The following CACNA1A variants were observed in gnomAD, a reference collection of about 807,000 sequenced individuals.
CACNA1A encodes calcium voltage-gated channel subunit alpha1 A, also known as voltage-dependent P/Q-type calcium channel subunit alpha-1A.
In CACNA1A, 57 loss-of-function variants were observed where a neutral mutation model predicts 262.4. The observed-to-expected ratio is 0.22, with a 90% CI of 0.18 to 0.27. CACNA1A has a LOEUF of 0.27. Among genes scored for constraint, CACNA1A ranks in the 10% least tolerant of loss-of-function variants. The probability of loss-of-function intolerance (pLI) is 1.00; values close to 1 mark genes in which losing one functional copy is unlikely to be tolerated. For missense variants in CACNA1A, 2,526 were observed against 3,562.8 expected, an observed-to-expected ratio of 0.71 and a Z score of 7.41; for synonymous variants, 1,431 against 1,419.3, an observed-to-expected ratio of 1.01 and a Z score of -0.18.
At chr19:13,372,822 C>T (rs947143074) in intron 3 of CACNA1A, among the ~76,000 whole-genome samples, 2 of 152,170 alleles carry the variant, frequency 1.3e-5, no homozygotes, top group Admixed American at 6.5e-5. Flanking sequence ...CAGCTACAGA[C>T]CCCAAGCCTC....
intron 3 of CACNA1A, among the ~76,000 whole-genome samples, chr19:13,385,557 G>C (rs7259299): frequency 0.52 from 79,594 of 151,840 alleles, 21,062 homozygotes; most frequent in Middle Eastern, 0.63. Context: ...CAGAGTCCTA[G>C]TATGCTGCCC....
intron 22 of CACNA1A, among the ~76,000 whole-genome samples, chr19:13,281,953 G>A (rs75059291): frequency 6.6e-6 from 1 of 152,196 alleles, no homozygotes. Flanking sequence ...CGAAGGCAAC[G>A]CCTTCTTCAG....
intron 15 of CACNA1A, among the ~76,000 whole-genome samples, chr19:13,305,931 G>A (rs2057893072): frequency 6.6e-6 from 1 of 152,008 alleles, no homozygotes; most frequent in African/African-American, 2.4e-5. Flanking sequence ...ATGGTAGTAT[G>A]CACCTGTAGT....
At chr19:13,498,273 A>C (rs1981924368) in intron 1 of CACNA1A, among the ~76,000 whole-genome samples, 1 of 152,158 alleles carries the variant, frequency 6.6e-6, no homozygotes, top group South Asian at 2.1e-4. Flanking sequence ...CCACTTTTAC[A>C]AAAAGGTAAC....
chr19:13,454,293 C>T (rs894651513), intron 2 of CACNA1A, among the ~76,000 whole-genome samples: 13 of 151,652 alleles, frequency 8.6e-5, no homozygotes, highest in African/African-American at 3.1e-4. Context: ...CTAGAAGCTG[C>T]CAGCCACACC....
chr19:13,306,022 C>G (rs529994458), intron 15 of CACNA1A, among the ~76,000 whole-genome samples: 5 of 150,520 alleles, frequency 3.3e-5, no homozygotes. Context: ...AACGTGCCGT[C>G]GCACTCCAGC....
At chr19:13,357,168 C>A (rs1370172761) in intron 6 of CACNA1A, among the ~76,000 whole-genome samples, 1 of 152,156 alleles carries the variant, frequency 6.6e-6, no homozygotes, top group African/African-American at 2.4e-5. Context: ...TGCAAATCTC[C>A]CTCCACCCAC....
intron 24 of CACNA1A, among the ~76,000 whole-genome samples, chr19:13,268,024 G>C (rs1022164132): frequency 2.6e-5 from 4 of 151,944 alleles, no homozygotes; most frequent in Non-Finnish European, 5.9e-5. Flanking sequence ...AGGCCTCCCA[G>C]AGCGCTGGGA....
At chr19:13,314,156 G>A (rs543229182) in intron 11 of CACNA1A, among the ~76,000 whole-genome samples, 2 of 152,224 alleles carry the variant, frequency 1.3e-5, no homozygotes, top group Admixed American at 1.3e-4. Flanking sequence ...GTAGGAAGAT[G>A]AGGAGTTAGG....
intron 17 of CACNA1A, among the ~76,000 whole-genome samples, 170 bp downstream of exon 17, chr19:13,303,376 C>T (rs1218200523): frequency 2.0e-5 from 3 of 152,084 alleles, no homozygotes; most frequent in Admixed American, 1.3e-4. Context: ...CAGTCTGTTT[C>T]TGGGAGTGGG....
intron 6 of CACNA1A, 124 bp downstream of exon 6, chr19:13,359,482 T>C: frequency 1.4e-6 from 1 of 712,890 alleles, no homozygotes; most frequent in South Asian, 1.8e-5. Context: ...TGGGGCTGTG[T>C]TGTCCTTGGG....
At chr19:13,243,197 G>T (rs543074867) in intron 31 of CACNA1A, among the ~76,000 whole-genome samples, 2 of 152,236 alleles carry the variant, frequency 1.3e-5, no homozygotes, top group East Asian at 3.8e-4. Flanking sequence ...ATGACCAGGT[G>T]GGGGCACCCC....
intron 6 of CACNA1A, among the ~76,000 whole-genome samples, chr19:13,351,799 C>T (rs2058914925): frequency 6.6e-6 from 1 of 152,000 alleles, no homozygotes; most frequent in Admixed American, 6.6e-5. Flanking sequence ...TGAGCCACCG[C>T]ATCTGGCTAA....
At chr19:13,309,971 C>G (rs773186095) in intron 12 of CACNA1A, among the ~76,000 whole-genome samples, 49 of 152,164 alleles carry the variant, frequency 3.2e-4, no homozygotes, top group Non-Finnish European at 1.0e-4. Flanking sequence ...TGAGCAGTTA[C>G]TCCCCACTCT....
rs866121352 is a variant in CACNA1A, at chr19:13,393,711, C to T, written c.540-21932G>A. Among the ~76,000 whole-genome samples the T allele has an allele frequency of 5.3e-5, 6 of 113,222 alleles. No individual in the cohort carries two copies. The East Asian group carries it at 1.1e-3, about 21-fold the overall frequency. 74.3% of individuals were successfully genotyped at this position (113,222 alleles called of 152,430 possible). On this transcript the variant is annotated intron_variant, in intron 3 of 46. Coordinates refer to ENST00000360228, the MANE Select transcript of CACNA1A (RefSeq NM_001127222.2). ...CTTTTCTTTCTTTACCTTTCTCTCTCTCTTTCTGTCTTCCTCTTTTCTTTC... is the reference window on the plus strand; with the variant it reads ...CTTTTCTTTCTTTACCTTTCTCTCTTTCTTTCTGTCTTCCTCTTTTCTTTC...
intron 3 of CACNA1A, among the ~76,000 whole-genome samples, chr19:13,442,743 C>T (rs940896400): frequency 2.0e-5 from 3 of 152,190 alleles, no homozygotes; most frequent in Admixed American, 2.0e-4. Context: ...TTAACCATGG[C>T]GCTAGGCCAA....
intron 30 of CACNA1A, among the ~76,000 whole-genome samples, chr19:13,250,482 C>T (rs964637462): frequency 2.0e-5 from 3 of 152,050 alleles, no homozygotes; most frequent in Admixed American, 6.6e-5. Flanking sequence ...CTGCAACCTC[C>T]GCCTCCCACG....
chr19:13,287,075 G>T (rs2057418572), intron 19 of CACNA1A, 109 bp from the exon 20 acceptor site: 1 of 918,732 alleles, frequency 1.1e-6, no homozygotes, highest in Non-Finnish European at 1.6e-6. Context: ...ATTTGGGCTG[G>T]GCGCAGTGGC....
intron 3 of CACNA1A, among the ~76,000 whole-genome samples, chr19:13,444,293 G>T (rs541269345): frequency 6.2e-4 from 95 of 152,258 alleles, no homozygotes; most frequent in African/African-American, 2.1e-3. Flanking sequence ...AAATGCTGCT[G>T]GTATTTATAG....
Sources: gnomAD v4.1 joint callset for allele counts (sites outside exome capture counted in the v4.1 genomes callset) on GRCh38, gnomAD v4.1.1 for gene constraint, MANE v1.5 for transcripts, NCBI Gene and HGNC (gene_info 2026-07-23, HGNC 2026-07-21) for gene names.